Variants in SFXN5 observed in about 807,000 individuals in gnomAD.
The protein encoded by SFXN5 is sideroflexin-5.
SFXN5 carries 43 observed loss-of-function variants against 50.2 expected under a neutral mutation model. That is an observed-to-expected ratio of 0.86 (90% CI 0.67 to 1.11). The LOEUF is 1.11. Ranked by LOEUF, SFXN5 falls within the 50% of genes least tolerant of loss-of-function variation. SFXN5 has a pLI of 0.00. For synonymous variants in SFXN5, 203 were observed against 185.8 expected, an observed-to-expected ratio of 1.09 and a Z score of -0.75; for missense variants, 463 against 454.1, an observed-to-expected ratio of 1.02 and a Z score of -0.18.
rs147124956 is a variant in SFXN5, at chr2:72,983,148, G to A, written c.625+5110C>T. Among the ~76,000 whole-genome samples the A allele has an allele frequency of 2.3e-3, 355 of 152,330 alleles. 7 individuals carry two copies. Among genetic ancestry groups the A allele is most frequent in the Non-Finnish European group, 5.0e-4 (34 of 68,028 alleles). Reference sequence around the variant, plus strand: ...AGACGGAGGAAGCAGGGTGGACTGAGCACAAAGGGGGAGCAGTGGAGCAAA... The same window carrying A: ...AGACGGAGGAAGCAGGGTGGACTGAACACAAAGGGGGAGCAGTGGAGCAAA... On this transcript the variant is annotated intron_variant, in intron 10 of 13. Coordinates refer to ENST00000272433, the MANE Select transcript of SFXN5 (RefSeq NM_144579.3).
intron 2 of SFXN5, among the ~76,000 whole-genome samples, chr2:73,046,423 A>AC (rs1409989847): frequency 6.6e-6 from 1 of 151,932 alleles, no homozygotes; most frequent in East Asian, 1.9e-4. Context: ...AAAAAAAAAA[A>AC]AGTAATATGT....
chr2:73,070,344 G>A lies in SFXN5; in HGVS notation c.102+1260C>T, dbSNP rs961586587. ...AGAAACACTGGGGACATTTTTTTCA[G>A]ACGGCTCAGGAGCCAAGTTCCCTAA... On this transcript the variant is annotated intron_variant, in intron 1 of 13. Transcript: ENST00000272433. 2.0e-5 allele frequency: 3 copies of A among 152,134 alleles called. No homozygotes were observed. In the South Asian group the frequency reaches 6.2e-4, roughly 32 times the overall value. The allele number at this position is 152,134 out of a possible 1,614,324, so 9.4% of individuals were successfully genotyped here.
At chr2:73,034,557 T>C (rs1678720876) in intron 3 of SFXN5, among the ~76,000 whole-genome samples, 1 of 152,138 alleles carries the variant, frequency 6.6e-6, no homozygotes, top group African/African-American at 2.4e-5. Flanking sequence ...GAGCAATCCA[T>C]ACATTCATTA....
intron 10 of SFXN5, among the ~76,000 whole-genome samples, chr2:72,978,174 C>T (rs1205983622): frequency 6.6e-6 from 1 of 151,782 alleles, no homozygotes; most frequent in Non-Finnish European, 1.5e-5. Flanking sequence ...TTTGGAAACC[C>T]AAATGTCCAA....
intron 3 of SFXN5, among the ~76,000 whole-genome samples, chr2:73,026,133 TTTTTC>T (rs907741962): frequency 2.8e-5 from 4 of 145,122 alleles, no homozygotes; most frequent in African/African-American, 1.1e-4. Flanking sequence ...CTGCTTTTTT[TTTTTC>T]TTTTTTTGAG....
At chr2:72,977,147 C>T (rs976214923) in intron 10 of SFXN5, among the ~76,000 whole-genome samples, 5 of 152,158 alleles carry the variant, frequency 3.3e-5, no homozygotes, top group Non-Finnish European at 5.9e-5. Flanking sequence ...TGGGTCCAGA[C>T]GTGATGCTTG....
At chr2:73,031,459 G>C (rs1216933924) in intron 3 of SFXN5, among the ~76,000 whole-genome samples, 1 of 152,210 alleles carries the variant, frequency 6.6e-6, no homozygotes, top group East Asian at 1.9e-4. Flanking sequence ...CTGTTATACA[G>C]GACAGAAATA....
chr2:73,030,500 G>A (rs762891919), intron 3 of SFXN5, among the ~76,000 whole-genome samples: 4 of 152,130 alleles, frequency 2.6e-5, no homozygotes, highest in Non-Finnish European at 5.9e-5. Flanking sequence ...ACCGTGCCCA[G>A]CCTGAATATT....
chr2:73,032,454 TC>T (rs1338533914), intron 3 of SFXN5, among the ~76,000 whole-genome samples: 1 of 152,094 alleles, frequency 6.6e-6, no homozygotes, highest in Non-Finnish European at 1.5e-5. Context: ...GGAGAAGCAA[TC>T]CGGGTGAGAG....
chr2:72,998,186 A>G lies in SFXN5; in HGVS notation c.534+763T>C, dbSNP rs1159910259. The G allele has an allele frequency of 2.0e-5, 3 of 152,156 alleles. No individual in the cohort carries two copies. In the East Asian group the frequency reaches 5.8e-4, roughly 29 times the overall value. 9.4% of individuals were successfully genotyped at this position (152,156 alleles called of 1,614,324 possible). A position where few individuals can be genotyped will look rare whatever the true frequency, so the allele number is the denominator to read the frequency against. ...CTTCGCCCTCTGGAGTCGGCTATAG[A>G]AGGCCATCCTAGTGGGGATCCAGAG... On this transcript the variant is annotated intron_variant, in intron 9 of 13. Transcript: ENST00000272433.
chr2:72,954,816 A>C (rs1296781473), intron 13 of SFXN5, among the ~76,000 whole-genome samples: 1 of 152,234 alleles, frequency 6.6e-6, no homozygotes, highest in Admixed American at 6.5e-5. Context: ...GAGGGGCAGC[A>C]TGTAACTCAA....
At chr2:73,007,549 C>G (rs10197305) in intron 6 of SFXN5, among the ~76,000 whole-genome samples, 41,442 of 151,822 alleles carry the variant, frequency 0.27, 6,067 homozygotes, top group East Asian at 0.5. Context: ...TTCACCTCAT[C>G]AGCAAAAAGC....
At chr2:73,026,126 C>CTTTTTTTTTTTTTTTT (rs759334127) in intron 3 of SFXN5, among the ~76,000 whole-genome samples, 5 of 133,694 alleles carry the variant, frequency 3.7e-5, no homozygotes, top group Admixed American at 1.5e-4. Flanking sequence ...TGTGTGGCTG[C>CTTTTTTTTTTTTTTTT]TTTTTTTTTT....
At chr2:73,069,115 C>G (rs1293497879) in intron 1 of SFXN5, among the ~76,000 whole-genome samples, 1 of 152,056 alleles carries the variant, frequency 6.6e-6, no homozygotes, top group African/African-American at 2.4e-5. Flanking sequence ...GAAGTGAGGT[C>G]TTTATCTCAG....
At chr2:73,043,288 G>A (rs1679888021) in intron 2 of SFXN5, among the ~76,000 whole-genome samples, 1 of 152,224 alleles carries the variant, frequency 6.6e-6, no homozygotes, top group South Asian at 2.1e-4. Flanking sequence ...AAGCCCCTTA[G>A]TCTAAAAGAA....
chr2:72,948,399 A>G (rs1672180755), intron 13 of SFXN5, among the ~76,000 whole-genome samples: 1 of 152,278 alleles, frequency 6.6e-6, no homozygotes, highest in Non-Finnish European at 1.5e-5. Flanking sequence ...GATGTAAAGT[A>G]AGCCAAGGAG....
At chr2:73,061,749 G>A (rs1382037096) in intron 1 of SFXN5, among the ~76,000 whole-genome samples, 1 of 150,380 alleles carries the variant, frequency 6.6e-6, no homozygotes, top group African/African-American at 2.5e-5. Context: ...TCTTTAAATT[G>A]CTTTTGAAAT....
intron 1 of SFXN5, among the ~76,000 whole-genome samples, chr2:73,067,634 G>T (rs536394268): frequency 4.6e-5 from 7 of 152,144 alleles, no homozygotes; most frequent in Admixed American, 2.0e-4. Context: ...TGGGTTCAAT[G>T]AAATGATGGG....
intron 9 of SFXN5, chr2:72,998,690 A>T: frequency 1.9e-6 from 1 of 525,984 alleles, no homozygotes; most frequent in Non-Finnish European, 3.4e-6. Flanking sequence ...GCCCCACTCA[A>T]GACAGATGTC....
Sources: allele counts gnomAD v4.1 joint callset (sites outside exome capture counted in the v4.1 genomes callset), GRCh38; gene constraint gnomAD v4.1.1; transcripts MANE v1.5; gene names NCBI Gene and HGNC (gene_info 2026-07-23, HGNC 2026-07-21).